TBC1D4: variants seen among roughly 807,000 people sequenced by gnomAD.
TBC1D4 encodes the protein TBC (Tre-2, BUB2, CDC16) domain-containing protein.
TBC1D4 carries 121 observed loss-of-function variants against 142.5 expected under a neutral mutation model. The ratio of observed to expected loss-of-function variants is 0.85; its 90% CI spans 0.73 to 0.99. TBC1D4 has a LOEUF of 0.99. Ranked by LOEUF, TBC1D4 falls within the 50% of genes least tolerant of loss-of-function variation. The pLI is 0.00. For missense variants in TBC1D4, 1,475 were observed against 1,606.6 expected (o/e 0.92, Z 1.40); for synonymous variants, 630 against 628.2 (o/e 1.00, Z -0.04).
At chr13:75,455,610 C>T (rs17071226) in intron 1 of TBC1D4, among the ~76,000 whole-genome samples, 19,600 of 151,834 alleles carry the variant, frequency 0.13, 1,421 homozygotes, top group African/African-American at 0.16. Flanking sequence ...AATGAGAAAT[C>T]GTCAAATCAA....
At chr13:75,367,970 G>C (rs1398931757) in intron 1 of TBC1D4, among the ~76,000 whole-genome samples, 2 of 152,164 alleles carry the variant, frequency 1.3e-5, no homozygotes, top group African/African-American at 4.8e-5. Context: ...TCCAGCTCCA[G>C]TAGCCTTAGA....
chr13:75,448,461 G>A (rs966148056), intron 1 of TBC1D4, among the ~76,000 whole-genome samples: 8 of 151,702 alleles, frequency 5.3e-5, no homozygotes, highest in South Asian at 2.1e-4. Context: ...CCAGCTACTC[G>A]GGAGGCTGAG....
chr13:75,439,293 T>G (rs893067308), intron 1 of TBC1D4, among the ~76,000 whole-genome samples: 1 of 152,090 alleles, frequency 6.6e-6, no homozygotes, highest in African/African-American at 2.4e-5. Context: ...TTTGATTCAT[T>G]TAAGGCCAAG....
intron 17 of TBC1D4, among the ~76,000 whole-genome samples, chr13:75,297,996 C>T (rs1051546737): frequency 2.0e-5 from 3 of 152,024 alleles, no homozygotes; most frequent in Non-Finnish European, 4.4e-5. Flanking sequence ...TCCATTCATA[C>T]TCTCAAAAAA....
chr13:75,357,306 C>T (rs1436246839), intron 3 of TBC1D4, among the ~76,000 whole-genome samples: 1 of 152,154 alleles, frequency 6.6e-6, no homozygotes, highest in African/African-American at 2.4e-5. Context: ...AGGAGAGAGG[C>T]TGCAATTCTT....
At chr13:75,481,235 G>T in intron 1 of TBC1D4, 35 bp downstream of exon 1, 1 of 1,053,842 alleles carries the variant, frequency 9.5e-7, no homozygotes. Context: ...CCCCAAGGCC[G>T]AGCCCGCCCC....
At chr13:75,333,599 T>C (rs1005442196) in intron 8 of TBC1D4, among the ~76,000 whole-genome samples, 1 of 152,216 alleles carries the variant, frequency 6.6e-6, no homozygotes, top group Non-Finnish European at 1.5e-5. Context: ...TGAAATACTT[T>C]ACTGTGTATT....
intron 1 of TBC1D4, among the ~76,000 whole-genome samples, chr13:75,462,974 C>T (rs1182645891): frequency 6.6e-6 from 1 of 152,098 alleles, no homozygotes; most frequent in African/African-American, 2.4e-5. Flanking sequence ...GACTGTAGAA[C>T]ACAACCTTAT....
At chr13:75,299,207 C>T (rs1009087930) in intron 17 of TBC1D4, 123 bp downstream of exon 17, 19 of 1,535,154 alleles carry the variant, frequency 1.2e-5, no homozygotes, top group Non-Finnish European at 1.5e-5. Context: ...ATGCCCCAAT[C>T]TTTACCCAAG....
intron 4 of TBC1D4, among the ~76,000 whole-genome samples, chr13:75,354,985 C>G (rs1209190328): frequency 6.6e-6 from 1 of 152,002 alleles, no homozygotes; most frequent in Non-Finnish European, 1.5e-5. Flanking sequence ...CAAATGGAAC[C>G]CTCTAGAATA....
At chr13:75,339,214 G>A (rs1030461463) in intron 7 of TBC1D4, among the ~76,000 whole-genome samples, 3 of 152,122 alleles carry the variant, frequency 2.0e-5, no homozygotes, top group Non-Finnish European at 2.9e-5. Context: ...GTCTGTACTC[G>A]ATAAAGATTT....
At chr13:75,480,626 C>CA (rs545015676) in intron 1 of TBC1D4, among the ~76,000 whole-genome samples, 111 of 152,136 alleles carry the variant, frequency 7.3e-4, no homozygotes, top group African/African-American at 2.4e-3. Context: ...TTAAAAACCG[C>CA]AAAAAAAGGG....
At chr13:75,297,701 G>A (rs1876088704) in intron 17 of TBC1D4, among the ~76,000 whole-genome samples, 1 of 150,766 alleles carries the variant, frequency 6.6e-6, no homozygotes, top group Non-Finnish European at 1.5e-5. Flanking sequence ...AGGTTGCAGT[G>A]AGCCAAGATC....
rs1263625240 is a variant in TBC1D4 at position 75,336,932 on chromosome 13, T to C, written c.1720A>G (p.Ile574Val). 6.2e-7 allele frequency: 1 copy of C among 1,613,574 alleles called. No homozygotes were observed. The highest frequency in any genetic ancestry group is 1.3e-5 in the African/African-American group (1 of 74,908). Reference protein sequence around the residue: ...KRSLTSSLENIFSRGANRMRG... With the variant: ...KRSLTSSLENVFSRGANRMRG... ...TGGTGCAATCTTACCCTTGAGAAGA[T>C]ATTTTCCAGGGAGCTAGTTAAGGAT... Residue 574 changes from isoleucine (I) to valine (V), a missense_variant, in exon 8 of 21, where the codon ATC (isoleucine) becomes GTC (valine). Ile to Val is a conservative substitution (Grantham distance 29). Coordinates refer to ENST00000377636, the MANE Select transcript of TBC1D4 (RefSeq NM_014832.5).
chr13:75,349,109 T>G lies in TBC1D4; in HGVS notation c.1408+61A>C. On this transcript the variant is annotated intron_variant, in intron 5 of 20. Coordinates refer to ENST00000377636, the MANE Select transcript of TBC1D4 (RefSeq NM_014832.5). ...AGAACTATTCAATGACAATAGGGAC[T>G]TTCTCATTTCCCAAATGCCAAAGCA... is the stretch of plus-strand genomic sequence containing the variant. 4.3e-6 allele frequency: 7 copies of G among 1,611,778 alleles called. No individual in the cohort carries two copies. The South Asian group carries it at 5.5e-5, about 13-fold the overall frequency.
Position 75,362,686 on chromosome 13 carries a change from C to G in TBC1D4, c.499-79G>C. 6.9e-7 allele frequency: 1 copy of G among 1,449,276 alleles called. No individual in the cohort carries two copies. Among genetic ancestry groups the G allele is most frequent in the Non-Finnish European group, 9.6e-7 (1 of 1,041,948 alleles). The allele number at this position is 1,449,276 out of a possible 1,614,324, so 89.8% of individuals were successfully genotyped here. A position where few individuals can be genotyped will look rare whatever the true frequency, so the allele number is the denominator to read the frequency against. On this transcript the variant is annotated intron_variant, in intron 1 of 20. Coordinates refer to ENST00000377636, the MANE Select transcript of TBC1D4 (RefSeq NM_014832.5). This position sits in a 1 kb window ranked among gnomAD's most constrained non-coding sequence, Gnocchi z 4.2. ...CATTTACCTAGCCCAATTATTACCACATGGAATGTATTTTCATCCTAAATA... is the reference window on the plus strand; with the variant it reads ...CATTTACCTAGCCCAATTATTACCAGATGGAATGTATTTTCATCCTAAATA...
At chr13:75,386,174 C>T (rs1884155869) in intron 1 of TBC1D4, among the ~76,000 whole-genome samples, 1 of 152,110 alleles carries the variant, frequency 6.6e-6, no homozygotes. Context: ...CCATCTTAAA[C>T]ATATAAATGC....
At chr13:75,450,395 C>T (rs1476120249) in intron 1 of TBC1D4, among the ~76,000 whole-genome samples, 2 of 152,054 alleles carry the variant, frequency 1.3e-5, no homozygotes, top group East Asian at 1.9e-4. Context: ...AAAAAAAGCC[C>T]TTTAGTATTA....
intron 1 of TBC1D4, among the ~76,000 whole-genome samples, chr13:75,437,657 C>T (rs1052683634): frequency 1.2e-4 from 18 of 151,628 alleles, no homozygotes; most frequent in African/African-American, 4.4e-4. Flanking sequence ...CACCGATATA[C>T]AGTTTTTCAG....
Sources: allele counts gnomAD v4.1 joint callset (sites outside exome capture counted in the v4.1 genomes callset), GRCh38; gene constraint gnomAD v4.1.1; non-coding constraint Gnocchi (gnomAD v3.1); transcripts MANE v1.5; gene names NCBI Gene and HGNC (gene_info 2026-07-23, HGNC 2026-07-21).